Variants in LMX1B observed in about 807,000 individuals in gnomAD.
The protein encoded by LMX1B is LIM homeobox transcription factor 1-beta.
Under a neutral mutation model 51.4 loss-of-function variants are expected in LMX1B, and 12 were observed. That is an observed-to-expected ratio of 0.23 (90% CI 0.15 to 0.38). The LOEUF (loss-of-function observed/expected upper bound fraction) is 0.38. Among genes scored for constraint, LMX1B ranks in the 10% least tolerant of loss-of-function variants. The pLI is 1.00. For missense variants in LMX1B, 445 were observed against 571.1 expected (o/e 0.78, Z 2.25); for synonymous variants, 237 against 235.4 (o/e 1.01, Z -0.06).
intron 2 of LMX1B, among the ~76,000 whole-genome samples, chr9:126,668,452 A>G (rs1470953799): frequency 6.6e-6 from 1 of 150,886 alleles, no homozygotes; most frequent in Admixed American, 6.6e-5. Flanking sequence ...ATTTATTATT[A>G]TTATTATTAT....
In LMX1B at chr9:126,693,610, C is replaced by T. The variant is rs2030221797; in HGVS notation, c.819+9C>T. 3 of 1,613,930 alleles carry T rather than the reference C, an allele frequency of 1.9e-6. No individual in the cohort carries two copies. The highest frequency in any genetic ancestry group is 2.5e-6 in the Non-Finnish European group (3 of 1,179,800). On this transcript the variant is annotated intron_variant, in intron 5 of 7. Transcript: ENST00000373474. ...AGAACCAAAGAGCAAAGGTAAGAGG[C>T]CACCCCCCATCCCCACTGGCCCCGG...
At chr9:126,683,200 G>A (rs964584611) in intron 2 of LMX1B, among the ~76,000 whole-genome samples, 16 of 150,952 alleles carry the variant, frequency 1.1e-4, no homozygotes, top group Admixed American at 6.6e-4. Context: ...CGGGAGGCTG[G>A]GAGAGGCCCC....
chr9:126,677,778 G>T lies in LMX1B; in HGVS notation c.327-13058G>T, dbSNP rs114622240. On this transcript the variant is annotated intron_variant, in intron 2 of 7. Coordinates refer to ENST00000373474, the MANE Select transcript of LMX1B (RefSeq NM_001174147.2). The surrounding 1 kb of genome is among the most constrained non-coding windows in gnomAD (Gnocchi z 5.0). ...TTCAAACATTCGAGCAGGAGCACAG[G>T]GCATGTACTCAGGGCATTGCGGGGA... 4.3e-4 allele frequency among the ~76,000 whole-genome samples: 66 copies of T among 152,266 alleles called. No homozygotes were observed. Among genetic ancestry groups the T allele is most frequent in the African/African-American group, 1.6e-3 (65 of 41,554 alleles).
At chr9:126,664,237 C>A (rs569551523) in intron 2 of LMX1B, among the ~76,000 whole-genome samples, 6 of 152,336 alleles carry the variant, frequency 3.9e-5, no homozygotes, top group Non-Finnish European at 7.3e-5. Flanking sequence ...CCTCCCCCAA[C>A]GCTCTGTGTC....
At chr9:126,643,313 T>C (rs1468785360) in intron 2 of LMX1B, among the ~76,000 whole-genome samples, 1 of 152,094 alleles carries the variant, frequency 6.6e-6, no homozygotes, top group African/African-American at 2.4e-5. Flanking sequence ...CCAACTCTCT[T>C]TGAGGCTCAA....
intron 2 of LMX1B, among the ~76,000 whole-genome samples, chr9:126,659,496 T>C (rs1836188114): frequency 6.6e-6 from 1 of 152,226 alleles, no homozygotes; most frequent in Non-Finnish European, 1.5e-5. Context: ...CTCCACACAT[T>C]CTCAGGCCAG....
chr9:126,663,468 G>A (rs1564159682), intron 2 of LMX1B, among the ~76,000 whole-genome samples: 1 of 151,920 alleles, frequency 6.6e-6, no homozygotes, highest in Admixed American at 6.6e-5. Flanking sequence ...AGAGCAGAGG[G>A]ACTTGGGTTC....
chr9:126,650,493 C>T (rs1002506102), intron 2 of LMX1B, among the ~76,000 whole-genome samples: 1 of 152,216 alleles, frequency 6.6e-6, no homozygotes, highest in African/African-American at 2.4e-5. Flanking sequence ...GCCCCATGGG[C>T]GGTGGAGGCG....
chr9:126,627,976 C>A (rs959810865), intron 2 of LMX1B, among the ~76,000 whole-genome samples: 3 of 152,294 alleles, frequency 2.0e-5, no homozygotes, highest in East Asian at 1.9e-4. Context: ...GTTCTTCAAT[C>A]CCAGCTCTTT....
chr9:126,620,512 C>A (rs984441739), intron 2 of LMX1B, among the ~76,000 whole-genome samples: 5 of 152,166 alleles, frequency 3.3e-5, no homozygotes, highest in Non-Finnish European at 5.9e-5. Context: ...AGGTGGAAAA[C>A]CTGATTGTGT....
At chr9:126,685,955 G>A (rs1299039348) in intron 2 of LMX1B, among the ~76,000 whole-genome samples, 1 of 152,070 alleles carries the variant, frequency 6.6e-6, no homozygotes, top group Non-Finnish European at 1.5e-5. Flanking sequence ...CTTAAGATCT[G>A]GGCATGAAGA....
chr9:126,682,837 A>G (rs1477209233), intron 2 of LMX1B, among the ~76,000 whole-genome samples: 2 of 144,450 alleles, frequency 1.4e-5, no homozygotes, highest in Admixed American at 7.1e-5. Context: ...GGAGGTTGCA[A>G]TGAGCTGAGA....
Position 126,614,359 on chromosome 9 carries a change from C to T in LMX1B, c.-91C>T, listed in dbSNP as rs1318659521. The T allele has an allele frequency of 9.8e-7, 1 of 1,017,618 alleles. No individual in the cohort carries two copies. Among genetic ancestry groups the T allele is most frequent in the East Asian group, 5.8e-5 (1 of 17,148 alleles). The allele number at this position is 1,017,618 out of a possible 1,614,324, so 63.0% of individuals were successfully genotyped here. Reference sequence around the variant, plus strand: ...CCTGCCCTGCGGGGGCCGCGCCTCCCCGGTTCCAGGGCCGCGGCGGCGGAG... The same window carrying T: ...CCTGCCCTGCGGGGGCCGCGCCTCCTCGGTTCCAGGGCCGCGGCGGCGGAG... On this transcript the variant is annotated 5_prime_UTR_variant, in exon 1 of 8. Transcript: ENST00000373474.
rs149268806 is a variant in LMX1B, at chr9:126,670,572, G to A, written c.327-20264G>A. ...AGTAGGTTGACACGCTTGAGTACAC[G>A]TATGCACACATTGTCAACATACACA... On this transcript the variant is annotated intron_variant, in intron 2 of 7. Coordinates refer to ENST00000373474, the MANE Select transcript of LMX1B (RefSeq NM_001174147.2). 2.2e-3 allele frequency among the ~76,000 whole-genome samples: 333 copies of A among 152,302 alleles called. 1 individual carries two copies. The highest frequency in any genetic ancestry group is 7.4e-3 in the African/African-American group (308 of 41,554).
At chr9:126,623,007 C>T (rs1477965689) in intron 2 of LMX1B, among the ~76,000 whole-genome samples, 3 of 152,196 alleles carry the variant, frequency 2.0e-5, no homozygotes, top group African/African-American at 7.2e-5. Flanking sequence ...CAGTGTTGGG[C>T]ATGCAGTCAA....
At chr9:126,665,251 G>T (rs886124489) in intron 2 of LMX1B, among the ~76,000 whole-genome samples, 1 of 152,202 alleles carries the variant, frequency 6.6e-6, no homozygotes, top group Non-Finnish European at 1.5e-5. Flanking sequence ...AACCTGATTT[G>T]GGGGGAGGGG....
intron 2 of LMX1B, among the ~76,000 whole-genome samples, chr9:126,648,681 T>G (rs1835947913): frequency 6.6e-6 from 1 of 152,158 alleles, no homozygotes; most frequent in African/African-American, 2.4e-5. Context: ...GACAGGTACA[T>G]GAGTGATGAC....
intron 2 of LMX1B, among the ~76,000 whole-genome samples, chr9:126,679,155 G>A (rs1795742232): frequency 6.6e-6 from 1 of 152,252 alleles, no homozygotes; most frequent in Admixed American, 6.5e-5. Flanking sequence ...ACAGAGCTTA[G>A]TCATGGTGGC....
intron 2 of LMX1B, among the ~76,000 whole-genome samples, chr9:126,616,447 T>G (rs1236218629): frequency 6.6e-6 from 1 of 152,224 alleles, no homozygotes; most frequent in Non-Finnish European, 1.5e-5. Flanking sequence ...CTTTTTCTTT[T>G]GACCTCCTGG....
Sources: gnomAD v4.1 joint callset for allele counts (sites outside exome capture counted in the v4.1 genomes callset) on GRCh38, gnomAD v4.1.1 for gene constraint, Gnocchi (gnomAD v3.1) non-coding constraint, MANE v1.5 for transcripts, NCBI Gene and HGNC (gene_info 2026-07-23, HGNC 2026-07-21) for gene names.